The following ZSCAN18 variants were observed in gnomAD, a reference collection of about 807,000 sequenced individuals.
ZSCAN18 encodes the protein zinc finger and SCAN domain containing 18.
In ZSCAN18, 16 loss-of-function variants were observed where a neutral mutation model predicts 31.1. The observed-to-expected ratio is 0.51, with a 90% CI of 0.35 to 0.78. The LOEUF is 0.78. Ranked by LOEUF, ZSCAN18 falls within the 30% of genes least tolerant of loss-of-function variation. The pLI, the probability that ZSCAN18 is intolerant of heterozygous loss-of-function variation, is 0.01. For synonymous variants in ZSCAN18, 375 were observed against 320.7 expected, an observed-to-expected ratio of 1.17 and a Z score of -1.81; for missense variants, 731 against 697.4, an observed-to-expected ratio of 1.05 and a Z score of -0.54.
chr19:58,086,463 G>A, intron 5 of ZSCAN18, 197 bp from the exon 6 acceptor site: 3 of 530,452 alleles, frequency 5.7e-6, no homozygotes, highest in Non-Finnish European at 1.0e-5. Flanking sequence ...GGGCAACGGG[G>A]CAGGCGGAGG....
rs1166976097 is a variant in ZSCAN18 at position 58,084,465 on chromosome 19, G to A, written c.*220C>T. 3 of 465,732 alleles carry A rather than the reference G, an allele frequency of 6.4e-6. No homozygotes were observed. The highest frequency in any genetic ancestry group is 1.1e-5 in the Non-Finnish European group (3 of 271,682). The allele number at this position is 465,732 out of a possible 1,614,324, so 28.8% of individuals were successfully genotyped here. A position where few individuals can be genotyped will look rare whatever the true frequency, so the allele number is the denominator to read the frequency against. ...CTTCCACATCCGGCGGCTCCCCTCG[G>A]ATGCGAGCGCTGGCCCAGGGTGTGT... On this transcript the variant is annotated 3_prime_UTR_variant, in exon 7 of 7. Transcript: ENST00000601144. The surrounding 1 kb of genome is among the most constrained non-coding windows in gnomAD (Gnocchi z 4.5).
At chr19:58,087,217 G>A (rs1027234088) in intron 4 of ZSCAN18, 99 bp downstream of exon 4, 42 of 1,312,638 alleles carry the variant, frequency 3.2e-5, no homozygotes, top group South Asian at 2.0e-4. Context: ...CGCTGTGGAC[G>A]TTTGGGGCCA....
intron 4 of ZSCAN18, 118 bp downstream of exon 4, chr19:58,087,197 TG>T: frequency 1.7e-6 from 2 of 1,178,874 alleles, no homozygotes; most frequent in Non-Finnish European, 2.4e-6. Context: ...GGGTGGGTTC[TG>T]GGCCTCAGCG....
intron 1 of ZSCAN18, among the ~76,000 whole-genome samples, chr19:58,103,517 G>T (rs1034394189): frequency 1.3e-5 from 2 of 152,206 alleles, no homozygotes; most frequent in African/African-American, 4.8e-5. Flanking sequence ...TGTAACTATT[G>T]TAATTGTTCT....
At chr19:58,088,065 T>A (rs1475534804) in intron 3 of ZSCAN18, 3 of 153,492 alleles carry the variant, frequency 2.0e-5, no homozygotes, top group African/African-American at 7.2e-5. Flanking sequence ...TTCTATTTTA[T>A]GTGAAATGTC....
intron 1 of ZSCAN18, among the ~76,000 whole-genome samples, chr19:58,111,041 G>A (rs143096975): frequency 0.024 from 3,658 of 152,144 alleles, 70 homozygotes; most frequent in Non-Finnish European, 0.039. Flanking sequence ...GGTGGCGGGC[G>A]CCTGTAGTCC....
At chr19:58,111,591 C>G (rs548438087) in intron 1 of ZSCAN18, among the ~76,000 whole-genome samples, 1 of 152,204 alleles carries the variant, frequency 6.6e-6, no homozygotes, top group South Asian at 2.1e-4. Context: ...TCATCAACCC[C>G]TGGCCTCAAG....
chr19:58,087,714 C>A (rs1245222451), intron 3 of ZSCAN18: 7 of 254,306 alleles, frequency 2.8e-5, no homozygotes, highest in Non-Finnish European at 5.4e-5. Flanking sequence ...GTGGCATGAT[C>A]TTGGCTCACT....
upstream of ZSCAN18, chr19:58,098,375 C>A: frequency 9.1e-6 from 9 of 985,532 alleles, no homozygotes; most frequent in Non-Finnish European, 1.1e-5. Flanking sequence ...AGTGTGGCCT[C>A]CCGGCGTCCC....
intron 6 of ZSCAN18, 56 bp from the exon 7 acceptor site, chr19:58,085,435 G>A (rs372401639): frequency 6.9e-7 from 1 of 1,440,500 alleles, no homozygotes; most frequent in South Asian, 1.3e-5. Context: ...AGGGAGAGGA[G>A]GACCCAGCCG....
Position 58,088,734 on chromosome 19 carries a change from G to A in ZSCAN18, c.507C>T (p.Pro169=), listed in dbSNP as rs1357110562. The stretch of plus-strand genomic sequence containing the variant: ...TCTCCCCAGCTCCAAGGGCCTGGCT[G>A]GGGCTCGCGAGCTCGCCTGGTAGCA... ...PLLLPGELAS[P]SQALGAGEIP... The change falls in exon 3 of 7, where the codon CCC becomes CCT. Residue 169 remains proline (P), a synonymous_variant. Coordinates refer to ENST00000601144, the MANE Select transcript of ZSCAN18 (RefSeq NM_001145543.2). 3 of 1,608,576 alleles carry A rather than the reference G, an allele frequency of 1.9e-6. No individual in the cohort carries two copies. The highest frequency in any genetic ancestry group is 2.5e-6 in the Non-Finnish European group (3 of 1,179,956).
Position 58,084,463 on chromosome 19 carries a change from C to G in ZSCAN18, c.*222G>C. ...TTCTTCCACATCCGGCGGCTCCCCTCGGATGCGAGCGCTGGCCCAGGGTGT... is the reference window on the plus strand; with the variant it reads ...TTCTTCCACATCCGGCGGCTCCCCTGGGATGCGAGCGCTGGCCCAGGGTGT... On this transcript the variant is annotated 3_prime_UTR_variant, in exon 7 of 7. Transcript: ENST00000601144. The surrounding 1 kb of genome is among the most constrained non-coding windows in gnomAD (Gnocchi z 4.5). 2 of 464,064 alleles carry G rather than the reference C, an allele frequency of 4.3e-6. No individual in the cohort carries two copies. The highest frequency in any genetic ancestry group is 7.0e-5 in the East Asian group (2 of 28,602). The allele number at this position is 464,064 out of a possible 1,614,324, so 28.7% of individuals were successfully genotyped here. A position where few individuals can be genotyped will look rare whatever the true frequency, so the allele number is the denominator to read the frequency against.
chr19:58,099,491 A>T (rs1017978822), upstream of ZSCAN18, among the ~76,000 whole-genome samples: 2 of 152,240 alleles, frequency 1.3e-5, no homozygotes, highest in African/African-American at 4.8e-5. Flanking sequence ...ACCTTCTCCC[A>T]CTGAGAGATA....
Position 58,085,260 on chromosome 19 carries a change from C to T in ZSCAN18, c.958G>A (p.Gly320Ser), listed in dbSNP as rs1430403765. 1.2e-6 allele frequency: 2 copies of T among 1,604,472 alleles called. No individual in the cohort carries two copies. Among genetic ancestry groups the T allele is most frequent in the Non-Finnish European group, 8.5e-7 (1 of 1,178,206 alleles). The change falls in exon 7 of 7, where the codon GGC (glycine) becomes AGC (serine). Residue 320 changes from glycine to serine, a missense_variant. Transcript: ENST00000601144. ...TGCTCTTCCTCCTCCTCAGTGGTGC[C>T]CGACGGGGGATCGGCAAGGGCGTCC... is the stretch of plus-strand genomic sequence containing the variant. The part of the protein sequence containing the change: ...PGDALADPPS[G>S]TTEEEEEQPG...
At chr19:58,118,281 G>A (rs777779085) in exon 1 of ZSCAN18, 37 of 1,488,934 alleles carry the variant, frequency 2.5e-5, no homozygotes, top group Non-Finnish European at 3.1e-5. Context: ...ACTAGGCCTT[G>A]GCTCCGCGAC....
chr19:58,099,173 T>C (rs1320463703), upstream of ZSCAN18, among the ~76,000 whole-genome samples: 2 of 152,166 alleles, frequency 1.3e-5, no homozygotes, highest in Non-Finnish European at 2.9e-5. Flanking sequence ...TATTCAGTTT[T>C]ATGAATTTTA....
At chr19:58,096,698 C>CA (rs1177082131) in intron 1 of ZSCAN18, among the ~76,000 whole-genome samples, 1 of 152,228 alleles carries the variant, frequency 6.6e-6, no homozygotes, top group Non-Finnish European at 1.5e-5. Context: ...ACCCCACAGC[C>CA]ACAGGCCTGA....
chr19:58,109,272 T>C (rs778765998), intron 1 of ZSCAN18: 1 of 1,231,748 alleles, frequency 8.1e-7, no homozygotes, highest in Non-Finnish European at 1.0e-6. Flanking sequence ...CCATCCCAAG[T>C]TGATGCTTCC....
At position 58,085,190 on chromosome 19, in the gene ZSCAN18, G is replaced by A; in HGVS notation, c.1028C>T (p.Ser343Phe). The A allele has an allele frequency of 6.2e-7, 1 of 1,610,162 alleles. No homozygotes were observed. The highest frequency in any genetic ancestry group is 2.2e-5 in the East Asian group (1 of 44,828). The change falls in exon 7 of 7, where the codon TCC becomes TTC. Residue 343 changes from serine (S) to phenylalanine (F), a missense_variant. Ser to Phe is a radical substitution (Grantham distance 155). Coordinates refer to ENST00000601144, the MANE Select transcript of ZSCAN18 (RefSeq NM_001145543.2). ...PDPQDPQDAE[S>F]DSATGSQRQS... ...CCTCTGCGATCCGGTGGCAGAGTCG[G>A]ACTCCGCGTCCTGGGGGTCCTGCGG...
Sources: gnomAD v4.1 joint callset for allele counts (sites outside exome capture counted in the v4.1 genomes callset) on GRCh38, gnomAD v4.1.1 for gene constraint, Gnocchi (gnomAD v3.1) non-coding constraint, MANE v1.5 for transcripts, NCBI Gene and HGNC (gene_info 2026-07-23, HGNC 2026-07-21) for gene names.